PAX7: variants seen among roughly 807,000 people sequenced by gnomAD.
PAX7 encodes paired box 7, also known as paired box protein Pax-7.
Under a neutral mutation model 50.7 loss-of-function variants are expected in PAX7, and 18 were observed. The ratio of observed to expected loss-of-function variants is 0.36; its 90% CI spans 0.25 to 0.53. The LOEUF is 0.53. Among genes scored for constraint, PAX7 ranks in the 20% least tolerant of loss-of-function variants. The probability of loss-of-function intolerance (pLI) is 0.93; values close to 1 mark genes in which losing one functional copy is unlikely to be tolerated. For missense variants in PAX7, 644 were observed against 702.9 expected (o/e 0.92, Z 0.95); for synonymous variants, 310 against 290.4 (o/e 1.07, Z -0.69).
intron 7 of PAX7, among the ~76,000 whole-genome samples, chr1:18,710,603 G>A (rs539327266): frequency 9.9e-5 from 15 of 152,002 alleles, no homozygotes; most frequent in East Asian, 5.8e-4. Context: ...GTGCAATTAC[G>A]TCCTGATATT....
At chr1:18,642,856 G>A (rs1349207361) in intron 4 of PAX7, among the ~76,000 whole-genome samples, 1 of 152,036 alleles carries the variant, frequency 6.6e-6, no homozygotes, top group Non-Finnish European at 1.5e-5. Context: ...AAGTGGGGTG[G>A]GGGAGAGGTG....
chr1:18,636,463 G>A lies in PAX7; in HGVS notation c.586+92G>A. 1 of 1,463,232 alleles carries A rather than the reference G, an allele frequency of 6.8e-7. No homozygotes were observed. Among genetic ancestry groups the A allele is most frequent in the East Asian group, 2.3e-5 (1 of 43,812 alleles). The allele number at this position is 1,463,232 out of a possible 1,614,324, so 90.6% of individuals were successfully genotyped here. ...TGGTTCGCTCCCGCCGCCGGAGCAG[G>A]CGACCAGAACTCCAGCGGAGAAACT... On this transcript the variant is annotated intron_variant, in intron 4 of 8. Coordinates refer to ENST00000420770, the MANE Select transcript of PAX7 (RefSeq NM_001135254.2). The surrounding 1 kb of genome is among the most constrained non-coding windows in gnomAD (Gnocchi z 5.1).
chr1:18,734,377 C>T (rs1238799375), intron 7 of PAX7, among the ~76,000 whole-genome samples: 4 of 152,142 alleles, frequency 2.6e-5, no homozygotes, highest in East Asian at 1.9e-4. Flanking sequence ...GTTAGGTTCA[C>T]GAGGGCCTGC....
intron 6 of PAX7, among the ~76,000 whole-genome samples, chr1:18,702,574 G>A (rs887660261): frequency 6.6e-6 from 1 of 152,136 alleles, no homozygotes; most frequent in African/African-American, 2.4e-5. Flanking sequence ...GATGGCTCCA[G>A]AGTTAGGCCA....
intron 7 of PAX7, among the ~76,000 whole-genome samples, chr1:18,727,132 TTGCACA>T (rs1009411972): frequency 2.0e-5 from 3 of 152,018 alleles, no homozygotes; most frequent in Non-Finnish European, 4.4e-5. Context: ...ACACAAATAC[TTGCACA>T]TGCACACACA....
chr1:18,706,336 G>A (rs143448740), intron 7 of PAX7, among the ~76,000 whole-genome samples: 2,535 of 152,260 alleles, frequency 0.017, 35 homozygotes, highest in Middle Eastern at 0.075. Flanking sequence ...AAGCTTCCCC[G>A]CTGGGCTGTG....
At chr1:18,645,385 G>C (rs1427176045) in intron 4 of PAX7, among the ~76,000 whole-genome samples, 3 of 152,224 alleles carry the variant, frequency 2.0e-5, no homozygotes, top group African/African-American at 7.2e-5. Context: ...GAGCGGGACA[G>C]AAAAAGGGGT....
rs1012841784 is a variant in PAX7 at position 18,692,063 on chromosome 1, G to C, written c.786+110G>C. Reference sequence around the variant, plus strand: ...GGGACCCCTCGGGGGGTTTACAACAGGTTCAGGGGGTTGTGTAGGCAAGTA... The same window carrying C: ...GGGACCCCTCGGGGGGTTTACAACACGTTCAGGGGGTTGTGTAGGCAAGTA... On this transcript the variant is annotated intron_variant, in intron 5 of 8. Coordinates refer to ENST00000420770, the MANE Select transcript of PAX7 (RefSeq NM_001135254.2). 8.5e-6 allele frequency: 8 copies of C among 938,458 alleles called. No homozygotes were observed. The African/African-American group carries it at 1.3e-4, about 15-fold the overall frequency. 58.1% of individuals were successfully genotyped at this position (938,458 alleles called of 1,614,324 possible).
At position 18,631,560 on chromosome 1, in the gene PAX7, A is replaced by T. The variant is rs1398288489; in HGVS notation, c.-44A>T. On this transcript the variant is annotated 5_prime_UTR_variant, in exon 1 of 9. It adds an upstream start codon to the 5' untranslated region. Transcript: ENST00000420770. ...GCAGGGGTGAAGGGAGCGGACGGGA[A>T]GCGATTTTTGCCGACTTTGGATTCG... 2.6e-6 allele frequency: 4 copies of T among 1,536,346 alleles called. No individual in the cohort carries two copies. Among genetic ancestry groups the T allele is most frequent in the African/African-American group, 1.4e-5 (1 of 73,674 alleles).
rs369607271 is a variant in PAX7 at position 18,634,521 on chromosome 1, G to A, written c.304G>A (p.Gly102Ser). ...ETGSIRPGAI[G>S]GSKPRQVATP... ...CGGGTCCATCCGGCCTGGGGCCATCGGCGGCAGCAAGCCCAGAGTGAGTGT... is the reference window on the plus strand; with the variant it reads ...CGGGTCCATCCGGCCTGGGGCCATCAGCGGCAGCAAGCCCAGAGTGAGTGT... The change falls in exon 2 of 9, where the codon GGC (glycine) becomes AGC (serine). Residue 102 changes from glycine to serine, a missense_variant. Coordinates refer to ENST00000420770, the MANE Select transcript of PAX7 (RefSeq NM_001135254.2). The surrounding 1 kb of genome is among the most constrained non-coding windows in gnomAD (Gnocchi z 4.0). 4.4e-5 allele frequency: 71 copies of A among 1,613,776 alleles called. No individual in the cohort carries two copies. Among genetic ancestry groups the A allele is most frequent in the South Asian group, 6.6e-5 (6 of 91,082 alleles).
chr1:18,666,366 G>A (rs968287866), intron 4 of PAX7, among the ~76,000 whole-genome samples: 4 of 152,162 alleles, frequency 2.6e-5, no homozygotes, highest in African/African-American at 7.2e-5. Flanking sequence ...GGGAGGCCCC[G>A]AACTTGCTGT....
intron 7 of PAX7, among the ~76,000 whole-genome samples, chr1:18,706,862 C>T (rs535948987): frequency 6.6e-6 from 1 of 152,074 alleles, no homozygotes; most frequent in African/African-American, 2.4e-5. Flanking sequence ...CTGGACAGAC[C>T]CGGGTTAAGC....
intron 4 of PAX7, among the ~76,000 whole-genome samples, chr1:18,640,771 C>T (rs1303213602): frequency 6.6e-6 from 1 of 150,456 alleles, no homozygotes; most frequent in South Asian, 2.1e-4. Context: ...CTTTAGGCAG[C>T]GCTCGGCGGT....
rs550352973 is a variant in PAX7, at chr1:18,745,719, T to C, written c.*790T>C. The C allele has an allele frequency of 4.3e-6, 1 of 231,450 alleles. No individual in the cohort carries two copies. The highest frequency in any genetic ancestry group is 2.2e-5 in the African/African-American group (1 of 45,370). The allele number at this position is 231,450 out of a possible 1,614,324, so 14.3% of individuals were successfully genotyped here. A position where few individuals can be genotyped will look rare whatever the true frequency, so the allele number is the denominator to read the frequency against. ...TCAGGCTTCTGGAAGCAGAGGGCTCTTATCCTGAAGCCCAAGTTCCCAGCA... is the reference window on the plus strand; with the variant it reads ...TCAGGCTTCTGGAAGCAGAGGGCTCCTATCCTGAAGCCCAAGTTCCCAGCA... On this transcript the variant is annotated 3_prime_UTR_variant, in exon 9 of 9. Coordinates refer to ENST00000420770, the MANE Select transcript of PAX7 (RefSeq NM_001135254.2).
chr1:18,656,865 G>A (rs1232244781), intron 4 of PAX7, among the ~76,000 whole-genome samples: 3 of 151,444 alleles, frequency 2.0e-5, no homozygotes, highest in Admixed American at 6.6e-5. Context: ...GGTGGGGCAC[G>A]CCTGTGGTCA....
Position 18,698,573 on chromosome 1 carries a change from T to G in PAX7, c.787-2080T>G, listed in dbSNP as rs11804731. 5.4e-3 allele frequency among the ~76,000 whole-genome samples: 828 copies of G among 152,258 alleles called. 9 individuals carry two copies. Among genetic ancestry groups the G allele is most frequent in the African/African-American group, 0.019 (801 of 41,546 alleles). ...GGAGCAGTGGCAGGAGGCCCACTGTTTGGGAAACACTGAATTAGTACAAAG... is the reference window on the plus strand; with the variant it reads ...GGAGCAGTGGCAGGAGGCCCACTGTGTGGGAAACACTGAATTAGTACAAAG... On this transcript the variant is annotated intron_variant, in intron 5 of 8. Transcript: ENST00000420770.
chr1:18,729,362 G>A (rs2089617119), intron 7 of PAX7, among the ~76,000 whole-genome samples: 1 of 152,084 alleles, frequency 6.6e-6, no homozygotes, highest in Non-Finnish European at 1.5e-5. Flanking sequence ...GTAATCCCTG[G>A]GGTGCCAAGT....
intron 4 of PAX7, among the ~76,000 whole-genome samples, chr1:18,643,487 C>A (rs544473568): frequency 1.3e-5 from 2 of 152,272 alleles, no homozygotes; most frequent in Non-Finnish European, 1.5e-5. Flanking sequence ...CTGGAAAATG[C>A]GGAGGCGCCG....
chr1:18,663,081 A>T (rs1339063), intron 4 of PAX7, among the ~76,000 whole-genome samples: 75,659 of 152,146 alleles, frequency 0.5, 20,492 homozygotes, highest in African/African-American at 0.72. Context: ...TATTTTGACA[A>T]AGTGGGATTG....
Sources: gnomAD v4.1 joint callset for allele counts (sites outside exome capture counted in the v4.1 genomes callset) on GRCh38, gnomAD v4.1.1 for gene constraint, Gnocchi (gnomAD v3.1) non-coding constraint, MANE v1.5 for transcripts, NCBI Gene and HGNC (gene_info 2026-07-23, HGNC 2026-07-21) for gene names.